Variants in UVRAG observed in about 807,000 individuals in gnomAD.
The protein encoded by UVRAG is UV radiation resistance-associated gene protein.
A neutral mutation model predicts 78.0 loss-of-function variants in UVRAG; 19 were observed. The observed-to-expected ratio is 0.24, with a 90% confidence interval of 0.17 to 0.36. The LOEUF is 0.36. Among genes scored for constraint, UVRAG ranks in the 10% least tolerant of loss-of-function variants. The pLI, the probability that UVRAG is intolerant of heterozygous loss-of-function variation, is 1.00. For missense variants in UVRAG, 740 were observed against 853.8 expected, an observed-to-expected ratio of 0.87 and a Z score of 1.66; for synonymous variants, 323 against 324.6, an observed-to-expected ratio of 1.00 and a Z score of 0.05.
intron 1 of UVRAG, among the ~76,000 whole-genome samples, chr11:75,838,481 G>A (rs1291914055): frequency 6.6e-6 from 1 of 151,890 alleles, no homozygotes; most frequent in Non-Finnish European, 1.5e-5. Context: ...GGGTCTACAG[G>A]CATGCACCAC....
intron 13 of UVRAG, among the ~76,000 whole-genome samples, chr11:76,088,151 G>T (rs1006558265): frequency 6.6e-6 from 1 of 152,118 alleles, no homozygotes; most frequent in African/African-American, 2.4e-5. Context: ...ATAGTGATGG[G>T]ATTACAGGCA....
chr11:76,003,085 A>G (rs1256264839), intron 8 of UVRAG, among the ~76,000 whole-genome samples: 1 of 151,962 alleles, frequency 6.6e-6, no homozygotes, highest in Non-Finnish European at 1.5e-5. Flanking sequence ...AAAAAAAGAA[A>G]AAAAGAATTG....
In UVRAG at chr11:75,879,918, G is replaced by C. The variant is rs772344047; in HGVS notation, c.310G>C (p.Asp104His). 2.5e-6 allele frequency: 4 copies of C among 1,614,190 alleles called. No individual in the cohort carries two copies. Among genetic ancestry groups the C allele is most frequent in the Non-Finnish European group, 3.4e-6 (4 of 1,180,012 alleles). ...AAGTCTCGATTTTGGAATTATGCCAGACCGTCTTGATACATCTGTGTCTTG... is the reference window on the plus strand; with the variant it reads ...AAGTCTCGATTTTGGAATTATGCCACACCGTCTTGATACATCTGTGTCTTG... ...WRSLDFGIMP[D>H]RLDTSVSCFV... The change falls in exon 4 of 15, where the codon GAC becomes CAC. Residue 104 changes from aspartate to histidine, a missense_variant. Physicochemically the swap from Asp to His is moderately conservative, Grantham distance 81. Transcript: ENST00000356136.
intron 13 of UVRAG, among the ~76,000 whole-genome samples, chr11:76,085,935 A>G (rs1366734931): frequency 1.3e-5 from 2 of 152,106 alleles, no homozygotes; most frequent in African/African-American, 4.8e-5. Context: ...GCCTGCTGAC[A>G]CCCAGTGCCC....
At chr11:76,039,638 G>T (rs1192480177) in intron 12 of UVRAG, among the ~76,000 whole-genome samples, 2 of 152,242 alleles carry the variant, frequency 1.3e-5, no homozygotes, top group African/African-American at 2.4e-5. Context: ...ACTTTGGGAG[G>T]CTGAGTCAGG....
In UVRAG at chr11:75,861,862, G is replaced by C; in HGVS notation, c.270+82G>C. ...AATGCAGAAATGTAAAATAAGTTGA[G>C]GTTCAGCTCTGGTTTTATGATACTT... On this transcript the variant is annotated intron_variant, in intron 3 of 14. Transcript: ENST00000356136. The C allele has an allele frequency of 2.5e-6, 3 of 1,200,480 alleles. No homozygotes were observed. In the South Asian group the frequency reaches 3.9e-5, roughly 16 times the overall value. The allele number at this position is 1,200,480 out of a possible 1,614,324, so 74.4% of individuals were successfully genotyped here.
chr11:76,100,774 G>T (rs1033054139), intron 13 of UVRAG, among the ~76,000 whole-genome samples: 17 of 152,046 alleles, frequency 1.1e-4, no homozygotes, highest in African/African-American at 4.1e-4. Context: ...TCCATCATCT[G>T]GTAGAACCCA....
intron 4 of UVRAG, among the ~76,000 whole-genome samples, chr11:75,882,023 C>A (rs1473464112): frequency 6.6e-6 from 1 of 152,160 alleles, no homozygotes; most frequent in Non-Finnish European, 1.5e-5. Flanking sequence ...GGTAACCCCC[C>A]ACCCCACCTT....
intron 12 of UVRAG, among the ~76,000 whole-genome samples, chr11:76,030,642 T>C (rs371804189): frequency 5.3e-5 from 8 of 152,310 alleles, no homozygotes; most frequent in Admixed American, 2.0e-4. Flanking sequence ...TCCAAACACA[T>C]CACAGTATTT....
intron 2 of UVRAG, among the ~76,000 whole-genome samples, chr11:75,853,692 ATCC>A (rs1946213539): frequency 6.6e-6 from 1 of 151,824 alleles, no homozygotes; most frequent in African/African-American, 2.4e-5. Context: ...AAATTCCACT[ATCC>A]TCATGTAATT....
At chr11:76,023,415 G>A (rs553058302) in intron 12 of UVRAG, among the ~76,000 whole-genome samples, 1 of 152,140 alleles carries the variant, frequency 6.6e-6, no homozygotes, top group South Asian at 2.1e-4. Flanking sequence ...CAGGCTTTAG[G>A]CAATCTGTTT....
rs567246096 is a variant in UVRAG at position 76,082,004 on chromosome 11, A to C, written c.1305+16216A>C. ...TATAGTTCAAAACCAAGCAAGATTAAACGATATTATTTAGGAATGAAAACT... is the reference window on the plus strand; with the variant it reads ...TATAGTTCAAAACCAAGCAAGATTACACGATATTATTTAGGAATGAAAACT... On this transcript the variant is annotated intron_variant, in intron 13 of 14. Transcript: ENST00000356136. Among the ~76,000 whole-genome samples, 15 of 152,176 alleles carry C rather than the reference A, an allele frequency of 9.9e-5. No homozygotes were observed. The Middle Eastern group carries it at 0.01, about 104-fold the overall frequency.
chr11:75,959,683 T>G (rs1948873314), intron 6 of UVRAG, among the ~76,000 whole-genome samples: 1 of 152,252 alleles, frequency 6.6e-6, no homozygotes, highest in Non-Finnish European at 1.5e-5. Flanking sequence ...TTCAAGAACT[T>G]TTCCTTTGCA....
At chr11:75,945,645 T>G (rs1304918934) in intron 6 of UVRAG, among the ~76,000 whole-genome samples, 1 of 152,056 alleles carries the variant, frequency 6.6e-6, no homozygotes, top group Non-Finnish European at 1.5e-5. Context: ...GCCTTGAGAG[T>G]AAAGCTCCTT....
chr11:75,818,284 A>G (rs373644705), intron 1 of UVRAG, among the ~76,000 whole-genome samples: 1 of 151,116 alleles, frequency 6.6e-6, no homozygotes, highest in African/African-American at 2.4e-5. Flanking sequence ...TCTTTTACTC[A>G]GTATTGTTTG....
chr11:75,925,945 A>G (rs947152353), intron 6 of UVRAG, among the ~76,000 whole-genome samples: 3 of 152,086 alleles, frequency 2.0e-5, no homozygotes. Context: ...AGGCCTTTCC[A>G]TTATATTTCT....
chr11:75,971,493 T>C (rs1949120355), intron 7 of UVRAG, among the ~76,000 whole-genome samples: 1 of 152,240 alleles, frequency 6.6e-6, no homozygotes, highest in African/African-American at 2.4e-5. Context: ...TCCATATCTT[T>C]GCCAGCATTT....
At chr11:75,875,385 G>A (rs1292118928) in intron 3 of UVRAG, among the ~76,000 whole-genome samples, 2 of 150,896 alleles carry the variant, frequency 1.3e-5, no homozygotes, top group African/African-American at 2.4e-5. Context: ...GGATTTCTTG[G>A]TTGTCAGTTA....
At chr11:76,106,842 A>G (rs1951981077) in intron 13 of UVRAG, among the ~76,000 whole-genome samples, 1 of 152,172 alleles carries the variant, frequency 6.6e-6, no homozygotes, top group Non-Finnish European at 1.5e-5. Context: ...GCTGAACAGC[A>G]TGAATATCTA....
Sources: gnomAD v4.1 joint callset for allele counts (sites outside exome capture counted in the v4.1 genomes callset) on GRCh38, gnomAD v4.1.1 for gene constraint, MANE v1.5 for transcripts, NCBI Gene and HGNC (gene_info 2026-07-23, HGNC 2026-07-21) for gene names.